Variants in DLL1 observed in about 807,000 individuals in gnomAD.
DLL1 encodes delta like canonical Notch ligand 1, also known as delta-like protein 1.
A neutral mutation model predicts 75.1 loss-of-function variants in DLL1; 9 were observed. That is an observed-to-expected ratio of 0.12 (90% confidence interval 0.07 to 0.21). DLL1 has a LOEUF of 0.21. DLL1 is among the 10% of genes least tolerant of loss of function. DLL1 has a pLI of 1.00. For missense variants in DLL1, 837 were observed against 1,007.6 expected (o/e 0.83, Z 2.29); for synonymous variants, 477 against 418.3 (o/e 1.14, Z -1.71).
At position 170,283,639 on chromosome 6, in the gene DLL1, G is replaced by C. The variant is rs1583151973; in HGVS notation, c.1640C>G (p.Ala547Gly). 1 of 1,604,108 alleles carries C rather than the reference G, an allele frequency of 6.2e-7. No homozygotes were observed. Among genetic ancestry groups the C allele is most frequent in the African/African-American group, 1.3e-5 (1 of 74,758 alleles). Residue 547 changes from alanine (A) to glycine (G), a missense_variant, in exon 9 of 11, where the codon GCC becomes GGC. Physicochemically the swap from Ala to Gly is moderately conservative, Grantham distance 60 (BLOSUM62 0). Coordinates refer to ENST00000366756, the MANE Select transcript of DLL1 (RefSeq NM_005618.4). ...GACAAGGATGACCCCGGCGCACACG[G>C]CCACCCAGGGGAATGGCCCGCCCTG... ...EGQGGPFPWV[A>G]VCAGVILVLM...
intron 1 of DLL1, 90 bp from the exon 2 acceptor site, chr6:170,289,898 G>C: frequency 7.0e-7 from 1 of 1,421,510 alleles, no homozygotes; most frequent in Non-Finnish European, 9.4e-7. Flanking sequence ...GGAGAGCCTG[G>C]AAGGGCTCAG....
intron 8 of DLL1, 117 bp downstream of exon 8, chr6:170,284,802 C>A: frequency 1.9e-6 from 2 of 1,053,696 alleles, no homozygotes; most frequent in Non-Finnish European, 2.9e-6. Context: ...GAATTCCTGG[C>A]GGTCTGGATA....
intron 4 of DLL1, 85 bp downstream of exon 4, chr6:170,288,153 GC>G (rs753295453): frequency 2.1e-5 from 34 of 1,593,948 alleles, no homozygotes; most frequent in Non-Finnish European, 2.5e-5. Context: ...ACAGTCCCAA[GC>G]CCCCCGTGGC....
intron 4 of DLL1, among the ~76,000 whole-genome samples, chr6:170,287,848 G>A (rs1450387850): frequency 6.6e-6 from 1 of 152,156 alleles, no homozygotes; most frequent in Non-Finnish European, 1.5e-5. Context: ...TCCAGCACTG[G>A]GAACTCGGGT....
In DLL1 at chr6:170,285,574, T is replaced by C; in HGVS notation, c.857A>G (p.Asn286Ser). 1 of 1,614,072 alleles carries C rather than the reference T, an allele frequency of 6.2e-7. No homozygotes were observed. Among genetic ancestry groups the C allele is most frequent in the Non-Finnish European group, 8.5e-7 (1 of 1,179,996 alleles). The change falls in exon 6 of 11, where the codon AAC becomes AGC. Residue 286 changes from asparagine to serine, a missense_variant. This residue lies in a region of DLL1 where 304 missense variants were observed against 461.9 expected (regional missense o/e 0.66). Coordinates refer to ENST00000366756, the MANE Select transcript of DLL1 (RefSeq NM_005618.4). ...CQEGWGGLFC[N>S]QDLNYCTHHK... is the part of the protein sequence containing the mutation. ...CTCAGGGAGAGAAGGCTTACCCTGG[T>C]TGCAGAAAAGGCCCCCCCAGCCTTC...
chr6:170,290,116 G>A lies in DLL1; in HGVS notation c.24C>T (p.Ala8=). Residue 8 remains alanine (A), a synonymous_variant, in exon 1 of 11, where the codon GCC becomes GCT. Coordinates refer to ENST00000366756, the MANE Select transcript of DLL1 (RefSeq NM_005618.4). This position sits in a 1 kb window ranked among gnomAD's most constrained non-coding sequence, Gnocchi z 4.7. ...ACAGCAAGGCCGAGAGCACCGCCAG[G>A]GCCAGCGCGCACCGACTGCCCATGC... MGSRCAL[A]LAVLSALLCQ... is the part of the protein sequence containing the mutation. The A allele has an allele frequency of 1.3e-6, 2 of 1,593,226 alleles. No homozygotes were observed. Among genetic ancestry groups the A allele is most frequent in the Non-Finnish European group, 1.7e-6 (2 of 1,177,658 alleles).
In DLL1 at chr6:170,283,971, C is replaced by A; in HGVS notation, c.1308G>T (p.Ser436=). 6.3e-7 allele frequency: 1 copy of A among 1,587,068 alleles called. No individual in the cohort carries two copies. The highest frequency in any genetic ancestry group is 2.3e-5 in the East Asian group (1 of 43,532). The change falls in exon 9 of 11, where the codon TCG becomes TCT. Residue 436 remains serine (S), a synonymous_variant. Transcript: ENST00000366756. ...CCACGTTGTCGTCACAGTGCCTCCC[C>A]GAGAAGCCGGCCTGGCAGCGGCACA... The part of the protein sequence containing the change: ...AYLCRCQAGF[S]GRHCDDNVDD...
In DLL1 at chr6:170,290,940, G is replaced by A; in HGVS notation, c.-801C>T. On this transcript the variant is annotated 5_prime_UTR_variant, in exon 1 of 11. Transcript: ENST00000366756. This position sits in a 1 kb window ranked among gnomAD's most constrained non-coding sequence, Gnocchi z 4.7. The stretch of plus-strand genomic sequence containing the variant: ...CGCGCAGAGGATCTGGCTCTCGCCG[G>A]CGCCTGCCGCCCTTATATTCAGCCG... 1.4e-6 allele frequency: 1 copy of A among 698,938 alleles called. No homozygotes were observed. The highest frequency in any genetic ancestry group is 2.6e-6 in the Non-Finnish European group (1 of 382,980). The allele number at this position is 698,938 out of a possible 1,614,324, so 43.3% of individuals were successfully genotyped here.
Position 170,285,036 on chromosome 6 carries a change from C to T in DLL1, c.1132G>A (p.Gly378Arg), listed in dbSNP as rs778363506. 16 of 1,614,050 alleles carry T rather than the reference C, an allele frequency of 9.9e-6. No individual in the cohort carries two copies. In the East Asian group the frequency reaches 1.6e-4, roughly 16 times the overall value. ...TCGGGGCTGTCTGAGCACCGACCCCCGTTAAAGCAAGGGCCGTCCGCACAG... is the reference window on the plus strand; with the variant it reads ...TCGGGGCTGTCTGAGCACCGACCCCTGTTAAAGCAAGGGCCGTCCGCACAG... ...MTCADGPCFN[G>R]GRCSDSPDGG... Residue 378 changes from glycine (G) to arginine (R), a missense_variant, in exon 8 of 11, where the codon GGG (glycine) becomes AGG (arginine). By Grantham distance (125) the Gly-to-Arg change is moderately radical. Transcript: ENST00000366756.
Position 170,288,020 on chromosome 6 carries a change from G to T in DLL1, c.670+219C>A, listed in dbSNP as rs1011018999. On this transcript the variant is annotated intron_variant, in intron 4 of 10. Coordinates refer to ENST00000366756, the MANE Select transcript of DLL1 (RefSeq NM_005618.4). ...GATTAAGAAAGGCAGTTCCGATAGT[G>T]GATAAACACAGCCTGGGATGTTAAA... 1.0e-5 allele frequency: 7 copies of T among 684,238 alleles called. No individual in the cohort carries two copies. In the African/African-American group the frequency reaches 1.1e-4, roughly 11 times the overall value. The allele number at this position is 684,238 out of a possible 1,614,324, so 42.4% of individuals were successfully genotyped here.
intron 8 of DLL1, among the ~76,000 whole-genome samples, chr6:170,284,426 G>A (rs1783649663): frequency 6.6e-6 from 1 of 152,166 alleles, no homozygotes; most frequent in African/African-American, 2.4e-5. Context: ...GGGGAGGGAG[G>A]GAGGGGAAGG....
chr6:170,290,673 C>T lies in DLL1; in HGVS notation c.-534G>A. On this transcript the variant is annotated 5_prime_UTR_variant, in exon 1 of 11. Coordinates refer to ENST00000366756, the MANE Select transcript of DLL1 (RefSeq NM_005618.4). The surrounding 1 kb of genome is among the most constrained non-coding windows in gnomAD (Gnocchi z 4.7). ...GGGACGGTCGGCGGCGGCGGGTGTG[C>T]GCGGCGGCCCCTGCGGATCGCGGCC... 1 of 295,086 alleles carries T rather than the reference C, an allele frequency of 3.4e-6. No homozygotes were observed. Among genetic ancestry groups the T allele is most frequent in the Non-Finnish European group, 6.3e-6 (1 of 159,046 alleles). 18.3% of individuals were successfully genotyped at this position (295,086 alleles called of 1,614,324 possible). A position where few individuals can be genotyped will look rare whatever the true frequency, so the allele number is the denominator to read the frequency against.
chr6:170,283,265 C>T lies in DLL1; in HGVS notation c.2014G>A (p.Gly672Arg). The T allele has an allele frequency of 6.2e-7, 1 of 1,612,930 alleles. No homozygotes were observed. Among genetic ancestry groups the T allele is most frequent in the Non-Finnish European group, 8.5e-7 (1 of 1,179,946 alleles). Residue 672 changes from glycine to arginine, a missense_variant, in exon 9 of 11, where the codon GGG becomes AGG. Gly to Arg is a moderately radical substitution (Grantham distance 125). Around this residue, in one of 2 missense-constraint regions of DLL1, gnomAD observed 533 missense variants for 545.7 expected, o/e 0.98. Coordinates refer to ENST00000366756, the MANE Select transcript of DLL1 (RefSeq NM_005618.4). The part of the protein sequence containing the change: ...DTKCQPQGSS[G>R]EEKGTPTTLR... ...GTGGTCGGGGTCCCCTTCTCCTCCCCTGAGGAGCCCTGGGGCTGGCACTTG... is the reference window on the plus strand; with the variant it reads ...GTGGTCGGGGTCCCCTTCTCCTCCCTTGAGGAGCCCTGGGGCTGGCACTTG...
Position 170,289,708 on chromosome 6 carries a change from G to T in DLL1, c.155C>A (p.Pro52Gln). 6.5e-7 allele frequency: 1 copy of T among 1,548,736 alleles called. No homozygotes were observed. Among genetic ancestry groups the T allele is most frequent in the Non-Finnish European group, 8.7e-7 (1 of 1,146,610 alleles). The change falls in exon 2 of 11, where the codon CCG becomes CAG. Residue 52 changes from proline (P) to glutamine (Q), a missense_variant. By Grantham distance (76) the Pro-to-Gln change is moderately conservative (BLOSUM62 -1). Transcript: ENST00000366756. ...RNCCRGGAGP[P>Q]PCACRTFFRV... ...GAAGAAGGTCCGGCAGGCGCACGGC[G>T]GTGGCCCCGCGCCCCCGCGGCAGCA... is the stretch of plus-strand genomic sequence containing the variant.
rs368711596 is a variant in DLL1 at position 170,285,006 on chromosome 6, C to T, written c.1162G>A (p.Gly388Arg). Reference sequence around the variant, plus strand: ...CCCACGGGGCAGCGGCAGCTGTACCCTCCATCGGGGCTGTCTGAGCACCGA... The same window carrying T: ...CCCACGGGGCAGCGGCAGCTGTACCTTCCATCGGGGCTGTCTGAGCACCGA... Reference protein sequence around the residue: ...GGRCSDSPDGGYSCRCPVGYS... With the variant: ...GGRCSDSPDGRYSCRCPVGYS... The change falls in exon 8 of 11, where the codon GGG becomes AGG. Residue 388 changes from glycine to arginine, a missense_variant. Transcript: ENST00000366756. 7 of 1,614,054 alleles carry T rather than the reference C, an allele frequency of 4.3e-6. No individual in the cohort carries two copies. The highest frequency in any genetic ancestry group is 5.9e-6 in the Non-Finnish European group (7 of 1,180,048).
Position 170,285,143 on chromosome 6 carries a change from A to G in DLL1, c.1033-8T>C. ...GTAGCTGTTCTCGAGATCCTACACGATGGAGAGGTCAGAAAAGGCTTTCCA... is the reference window on the plus strand; with the variant it reads ...GTAGCTGTTCTCGAGATCCTACACGGTGGAGAGGTCAGAAAAGGCTTTCCA... On this transcript the variant is annotated splice_region_variant and splice_polypyrimidine_tract_variant and intron_variant, in intron 7 of 10. Coordinates refer to ENST00000366756, the MANE Select transcript of DLL1 (RefSeq NM_005618.4). The G allele has an allele frequency of 1.9e-6, 3 of 1,613,948 alleles. No individual in the cohort carries two copies. Among genetic ancestry groups the G allele is most frequent in the Non-Finnish European group, 2.5e-6 (3 of 1,180,022 alleles).
Position 170,289,564 on chromosome 6 carries a change from G to C in DLL1, c.299C>G (p.Ala100Gly), listed in dbSNP as rs1462935564. Residue 100 changes from alanine (A) to glycine (G), a missense_variant, in exon 2 of 11, where the codon GCC becomes GGC. Physicochemically the swap from Ala to Gly is moderately conservative, Grantham distance 60. Coordinates refer to ENST00000366756, the MANE Select transcript of DLL1 (RefSeq NM_005618.4). Reference protein sequence around the residue: ...DSFSLPDGGGADSAFSNPIRF... With the variant: ...DSFSLPDGGGGDSAFSNPIRF... ...GATGGGGTTGCTGAACGCGGAGTCG[G>C]CGCCCCCGCCGTCGGGCAGACTGAA... 4.6e-6 allele frequency: 7 copies of C among 1,535,244 alleles called. No homozygotes were observed. The highest frequency in any genetic ancestry group is 6.1e-6 in the Non-Finnish European group (7 of 1,146,476).
chr6:170,288,062 C>T (rs982654246), intron 4 of DLL1, 177 bp downstream of exon 4: 17 of 902,412 alleles, frequency 1.9e-5, no homozygotes, highest in Admixed American at 6.6e-5. Context: ...GCGTTGACCC[C>T]AACCCCCCCA....
intron 2 of DLL1, 145 bp downstream of exon 2, chr6:170,289,367 C>A: frequency 2.3e-6 from 3 of 1,317,846 alleles, no homozygotes; most frequent in Middle Eastern, 2.3e-4. Context: ...AGTCCTGGGG[C>A]CGCCGCTAGG....
Sources: gnomAD v4.1 joint callset for allele counts (sites outside exome capture counted in the v4.1 genomes callset) on GRCh38, gnomAD v4.1.1 for gene constraint, gnomAD v4.1.1 regional missense constraint, Gnocchi (gnomAD v3.1) non-coding constraint, MANE v1.5 for transcripts, NCBI Gene and HGNC (gene_info 2026-07-23, HGNC 2026-07-21) for gene names.